The following DLG2 variants were observed in gnomAD, a reference collection of about 807,000 sequenced individuals.
DLG2 encodes the protein disks large homolog 2.
DLG2 carries 45 observed loss-of-function variants against 132.5 expected under a neutral mutation model. The ratio of observed to expected loss-of-function variants is 0.34; its 90% CI spans 0.27 to 0.44. DLG2 has a LOEUF of 0.44. DLG2 is among the 20% of genes least tolerant of loss of function. The probability of loss-of-function intolerance (pLI) is 1.00; values close to 1 mark genes in which losing one functional copy is unlikely to be tolerated. For missense variants in DLG2, 1,045 were observed against 1,196.9 expected, an observed-to-expected ratio of 0.87 and a Z score of 1.87; for synonymous variants, 424 against 419.6, an observed-to-expected ratio of 1.01 and a Z score of -0.13.
chr11:83,952,614 T>TAC (rs1253575788), intron 14 of DLG2, among the ~76,000 whole-genome samples: 5 of 152,202 alleles, frequency 3.3e-5, no homozygotes, highest in Admixed American at 3.3e-4. Flanking sequence ...CGATAGGCTA[T>TAC]TATACAGCTA....
chr11:83,790,550 A>T, intron 17 of DLG2: 1 of 1,276,706 alleles, frequency 7.8e-7, no homozygotes, highest in Non-Finnish European at 1.1e-6. Flanking sequence ...CAAAATTCAA[A>T]TGACAGAGCA....
intron 7 of DLG2, among the ~76,000 whole-genome samples, chr11:84,502,454 G>A (rs1252312753): frequency 1.4e-5 from 2 of 145,828 alleles, no homozygotes; most frequent in East Asian, 2.0e-4. Context: ...TAAGTGCAGT[G>A]TCTCAATCTC....
Position 85,148,629 on chromosome 11 carries a change from C to G in DLG2, c.282+5927G>C, listed in dbSNP as rs1468058725. On this transcript the variant is annotated intron_variant, in intron 5 of 27. Coordinates refer to ENST00000376104, the MANE Select transcript of DLG2 (RefSeq NM_001142699.3). The stretch of plus-strand genomic sequence containing the variant: ...TTTTCTTGTAAATTTCTTTAAGTTC[C>G]TTGTAGATTCTGGATATTAGACCTT... Among the ~76,000 whole-genome samples, 3 of 152,118 alleles carry G rather than the reference C, an allele frequency of 2.0e-5. No individual in the cohort carries two copies. In the East Asian group the frequency reaches 5.8e-4, roughly 29 times the overall value.
intron 20 of DLG2, among the ~76,000 whole-genome samples, chr11:83,538,467 AT>A (rs1237819395): frequency 6.6e-6 from 1 of 152,160 alleles, no homozygotes; most frequent in Non-Finnish European, 1.5e-5. Context: ...AGCTACTTGA[AT>A]TATCTGACTT....
chr11:83,768,674 A>G (rs1489240244), intron 18 of DLG2, among the ~76,000 whole-genome samples: 1 of 152,250 alleles, frequency 6.6e-6, no homozygotes, highest in Non-Finnish European at 1.5e-5. Flanking sequence ...AGGGCTTGGC[A>G]GCACAACGTG....
intron 3 of DLG2, among the ~76,000 whole-genome samples, chr11:85,446,257 T>C (rs528509112): frequency 6.6e-6 from 1 of 152,330 alleles, no homozygotes; most frequent in African/African-American, 2.4e-5. Context: ...CTCTACAAAA[T>C]GTACAATCTA....
intron 11 of DLG2, among the ~76,000 whole-genome samples, chr11:84,040,861 T>C (rs2096057778): frequency 6.6e-6 from 1 of 152,016 alleles, no homozygotes; most frequent in South Asian, 2.1e-4. Flanking sequence ...GAGCATGGAA[T>C]GTTCTTCCAT....
chr11:84,726,781 T>C (rs140915706), intron 6 of DLG2, among the ~76,000 whole-genome samples: 4,008 of 152,218 alleles, frequency 0.026, 180 homozygotes, highest in African/African-American at 0.092. Flanking sequence ...ATCTGTTGTT[T>C]CCTGACTTTT....
chr11:84,522,141 C>T (rs2099304106), intron 7 of DLG2, among the ~76,000 whole-genome samples: 1 of 151,202 alleles, frequency 6.6e-6, no homozygotes, highest in Non-Finnish European at 1.5e-5. Context: ...GCACTCCAGC[C>T]TGGGCGACAG....
chr11:83,816,998 A>G (rs2049171019), intron 17 of DLG2, among the ~76,000 whole-genome samples: 1 of 152,124 alleles, frequency 6.6e-6, no homozygotes, highest in South Asian at 2.1e-4. Flanking sequence ...ATTGTTGGCC[A>G]TGCATTTATT....
intron 5 of DLG2, among the ~76,000 whole-genome samples, chr11:85,152,528 A>G (rs2077324993): frequency 6.6e-6 from 1 of 152,038 alleles, no homozygotes; most frequent in South Asian, 2.1e-4. Context: ...TTGGCCTCCC[A>G]AAGTGCTGGG....
intron 11 of DLG2, among the ~76,000 whole-genome samples, chr11:84,006,244 T>C (rs558990098): frequency 7.9e-5 from 12 of 151,738 alleles, no homozygotes; most frequent in Non-Finnish European, 1.8e-4. Context: ...TTATTGCATG[T>C]TTTCACTTAC....
intron 6 of DLG2, among the ~76,000 whole-genome samples, chr11:84,779,017 C>G (rs766423724): frequency 1.2e-4 from 18 of 152,270 alleles, no homozygotes; most frequent in Non-Finnish European, 2.2e-4. Flanking sequence ...AGGCCTTCAG[C>G]CACTGATGAA....
chr11:84,631,014 TCTCTCA>T lies in DLG2; in HGVS notation c.358-96289_358-96284del, dbSNP rs1220643119. 5.6e-3 allele frequency among the ~76,000 whole-genome samples: 719 copies of T among 128,160 alleles called. 4 individuals are homozygous for T. Among genetic ancestry groups the T allele is most frequent in the African/African-American group, 0.012 (356 of 30,106 alleles). 84.1% of individuals were successfully genotyped at this position (128,160 alleles called of 152,430 possible). On this transcript the variant is annotated intron_variant, in intron 6 of 27. Coordinates refer to ENST00000376104, the MANE Select transcript of DLG2 (RefSeq NM_001142699.3). ...CTCTCTCTCTCTCTCTCTCTCTCTC[TCTCTCA>T]CACACACACACACACACACACACAC...
chr11:83,864,050 T>C (rs2061879208), intron 16 of DLG2, among the ~76,000 whole-genome samples: 1 of 152,214 alleles, frequency 6.6e-6, no homozygotes, highest in African/African-American at 2.4e-5. Flanking sequence ...GTTCTATACT[T>C]CCATGTAGCT....
At chr11:84,682,245 C>G (rs1393208760) in intron 6 of DLG2, among the ~76,000 whole-genome samples, 1 of 152,194 alleles carries the variant, frequency 6.6e-6, no homozygotes, top group Non-Finnish European at 1.5e-5. Context: ...ACAGTCCCAA[C>G]ATAGTCACTG....
intron 7 of DLG2, among the ~76,000 whole-genome samples, chr11:84,264,928 A>T (rs1299741839): frequency 6.6e-6 from 1 of 152,110 alleles, no homozygotes; most frequent in Non-Finnish European, 1.5e-5. Context: ...AACTCTCTGA[A>T]TTATTTCTAA....
chr11:84,919,295 G>A (rs1248975412), intron 6 of DLG2, among the ~76,000 whole-genome samples: 1 of 152,080 alleles, frequency 6.6e-6, no homozygotes, highest in African/African-American at 2.4e-5. Flanking sequence ...CTTTTTCACA[G>A]ATGAGAAAAA....
chr11:84,182,023 A>G (rs1438442300), intron 8 of DLG2, among the ~76,000 whole-genome samples: 1 of 152,158 alleles, frequency 6.6e-6, no homozygotes, highest in East Asian at 1.9e-4. Flanking sequence ...CCATCACACA[A>G]CTGATATCAA....
Sources: allele counts gnomAD v4.1 joint callset (sites outside exome capture counted in the v4.1 genomes callset), GRCh38; gene constraint gnomAD v4.1.1; transcripts MANE v1.5; gene names NCBI Gene and HGNC (gene_info 2026-07-23, HGNC 2026-07-21).